AUTS2: variants seen among roughly 807,000 people sequenced by gnomAD.
AUTS2 encodes autism susceptibility gene 2 protein.
In AUTS2, 17 loss-of-function variants were observed where a neutral mutation model predicts 112.4. The observed-to-expected ratio is 0.15, with a 90% CI of 0.10 to 0.23. The LOEUF is 0.23. Among genes scored for constraint, AUTS2 ranks in the 10% least tolerant of loss-of-function variants. The probability of loss-of-function intolerance (pLI) is 1.00; values close to 1 mark genes in which losing one functional copy is unlikely to be tolerated. For synonymous variants in AUTS2, 751 were observed against 702.7 expected, an observed-to-expected ratio of 1.07 and a Z score of -1.09; for missense variants, 1,510 against 1,701.6, an observed-to-expected ratio of 0.89 and a Z score of 1.98.
At chr7:70,106,108 A>G (rs1804751948) in intron 2 of AUTS2, among the ~76,000 whole-genome samples, 1 of 152,078 alleles carries the variant, frequency 6.6e-6, no homozygotes, top group Non-Finnish European at 1.5e-5. Flanking sequence ...CTCATTTCCT[A>G]AGTCTGTTTT....
intron 4 of AUTS2, among the ~76,000 whole-genome samples, chr7:70,269,288 G>A (rs957779853): frequency 2.0e-5 from 3 of 152,302 alleles, no homozygotes; most frequent in East Asian, 3.9e-4. Context: ...ATGCCTTGCT[G>A]CAGTTCTGGC....
chr7:70,050,597 A>T (rs1437262536), intron 2 of AUTS2, among the ~76,000 whole-genome samples: 1 of 152,004 alleles, frequency 6.6e-6, no homozygotes, highest in Non-Finnish European at 1.5e-5. Context: ...AGGCATATGG[A>T]TATTAAATAT....
At chr7:69,689,576 G>A (rs1584076170) in intron 1 of AUTS2, among the ~76,000 whole-genome samples, 2 of 149,580 alleles carry the variant, frequency 1.3e-5, no homozygotes, top group East Asian at 2.0e-4. Context: ...TCCTGACCTC[G>A]TGATCTGCCT....
At chr7:70,417,926 C>G (rs1259044490) in intron 4 of AUTS2, among the ~76,000 whole-genome samples, 1 of 152,186 alleles carries the variant, frequency 6.6e-6, no homozygotes, top group African/African-American at 2.4e-5. Flanking sequence ...TTGGCCTGCC[C>G]TCTCCTTCCA....
chr7:70,636,198 A>C (rs990167625), intron 5 of AUTS2, among the ~76,000 whole-genome samples: 2 of 152,192 alleles, frequency 1.3e-5, no homozygotes, highest in Non-Finnish European at 2.9e-5. Flanking sequence ...TGGCCCGGGC[A>C]AGGTGTGAGA....
At chr7:70,194,195 A>AG (rs1321853361) in intron 4 of AUTS2, among the ~76,000 whole-genome samples, 2 of 150,798 alleles carry the variant, frequency 1.3e-5, no homozygotes, top group African/African-American at 4.9e-5. Context: ...AGATCTCTTT[A>AG]GGTCAGGCAT....
At chr7:69,640,104 C>G (rs1308505183) in intron 1 of AUTS2, among the ~76,000 whole-genome samples, 1 of 152,100 alleles carries the variant, frequency 6.6e-6, no homozygotes, top group Non-Finnish European at 1.5e-5. Flanking sequence ...AAAAGTTTTT[C>G]CACATGATCA....
chr7:70,042,840 T>C (rs1220021559), intron 2 of AUTS2, among the ~76,000 whole-genome samples: 1 of 152,210 alleles, frequency 6.6e-6, no homozygotes, highest in African/African-American at 2.4e-5. Context: ...GAGGTGAGCC[T>C]AATAAACCAG....
chr7:70,573,642 G>A (rs929646717), intron 5 of AUTS2, among the ~76,000 whole-genome samples: 3 of 152,144 alleles, frequency 2.0e-5, no homozygotes, highest in Non-Finnish European at 2.9e-5. Context: ...GGATTGCCAC[G>A]GTTCATATTG....
intron 4 of AUTS2, among the ~76,000 whole-genome samples, chr7:70,161,009 T>C (rs1808047708): frequency 6.6e-6 from 1 of 152,218 alleles, no homozygotes; most frequent in Admixed American, 6.5e-5. Context: ...GTTCCTGATA[T>C]AATGATGCTG....
chr7:70,558,003 A>T (rs1801321203), intron 5 of AUTS2, among the ~76,000 whole-genome samples: 1 of 152,188 alleles, frequency 6.6e-6, no homozygotes, highest in African/African-American at 2.4e-5. Context: ...GAGGCTTCCC[A>T]GCCAGGTGGA....
intron 5 of AUTS2, among the ~76,000 whole-genome samples, chr7:70,503,854 AAG>A (rs1554415430): frequency 1.3e-5 from 2 of 151,078 alleles, no homozygotes; most frequent in Non-Finnish European, 3.0e-5. Flanking sequence ...AAAAAAAAAA[AAG>A]AAGAAAGAAA....
rs1009793019 is a variant in AUTS2 at position 70,525,772 on chromosome 7, C to T, written c.690+89991C>T. ...CCCACTTGTGGAGAAGATGAACACTCGCATGGAAGCCCACAGAAGTGAGAG... is the reference window on the plus strand; with the variant it reads ...CCCACTTGTGGAGAAGATGAACACTTGCATGGAAGCCCACAGAAGTGAGAG... On this transcript the variant is annotated intron_variant, in intron 5 of 18. Transcript: ENST00000342771. Among the ~76,000 whole-genome samples, 7 of 152,204 alleles carry T rather than the reference C, an allele frequency of 4.6e-5. No homozygotes were observed. In the East Asian group the frequency reaches 5.8e-4, roughly 13 times the overall value.
At chr7:70,221,651 C>T (rs1811492875) in intron 4 of AUTS2, among the ~76,000 whole-genome samples, 1 of 152,200 alleles carries the variant, frequency 6.6e-6, no homozygotes, top group Admixed American at 6.5e-5. Context: ...CTTTGGGAGG[C>T]TGAGGTGGGC....
At chr7:70,524,230 C>G (rs1236572291) in intron 5 of AUTS2, among the ~76,000 whole-genome samples, 1 of 152,148 alleles carries the variant, frequency 6.6e-6, no homozygotes, top group African/African-American at 2.4e-5. Flanking sequence ...TGCAGATGAT[C>G]CAGTACAATC....
intron 1 of AUTS2, among the ~76,000 whole-genome samples, chr7:69,627,696 C>A (rs1401835001): frequency 6.6e-6 from 1 of 151,960 alleles, no homozygotes; most frequent in Non-Finnish European, 1.5e-5. Flanking sequence ...GAAGATGAAT[C>A]TTGCTTTTTG....
At chr7:70,261,589 C>G (rs1325500369) in intron 4 of AUTS2, among the ~76,000 whole-genome samples, 4 of 152,204 alleles carry the variant, frequency 2.6e-5, no homozygotes. Flanking sequence ...TTCTCTCTCT[C>G]TCATGTATAT....
At chr7:70,186,691 T>C (rs1236816958) in intron 4 of AUTS2, among the ~76,000 whole-genome samples, 1 of 152,012 alleles carries the variant, frequency 6.6e-6, no homozygotes, top group Admixed American at 6.6e-5. Context: ...GCCTCAGCCT[T>C]CTGAGTAGCT....
At chr7:69,817,120 G>A (rs1790796189) in intron 1 of AUTS2, among the ~76,000 whole-genome samples, 1 of 152,208 alleles carries the variant, frequency 6.6e-6, no homozygotes, top group Non-Finnish European at 1.5e-5. Flanking sequence ...GGCTCACTCA[G>A]TGGTACAGGG....
Sources: gnomAD v4.1 joint callset for allele counts (sites outside exome capture counted in the v4.1 genomes callset) on GRCh38, gnomAD v4.1.1 for gene constraint, MANE v1.5 for transcripts, NCBI Gene and HGNC (gene_info 2026-07-23, HGNC 2026-07-21) for gene names.